ANKS1B: variants seen among roughly 807,000 people sequenced by gnomAD.
ANKS1B encodes ankyrin repeat and sterile alpha motif domain-containing protein 1B.
ANKS1B carries 36 observed loss-of-function variants against 148.3 expected under a neutral mutation model. The ratio of observed to expected loss-of-function variants is 0.24; its 90% CI spans 0.19 to 0.32. The LOEUF is 0.32. Ranked by LOEUF, ANKS1B falls within the 10% of genes least tolerant of loss-of-function variation. The pLI is 1.00. For synonymous variants in ANKS1B, 542 were observed against 560.8 expected, an observed-to-expected ratio of 0.97 and a Z score of 0.47; for missense variants, 1,157 against 1,542.6, an observed-to-expected ratio of 0.75 and a Z score of 4.19.
At chr12:99,506,919 CAACAGGTTACTATA>C (rs2096717536) in intron 9 of ANKS1B, among the ~76,000 whole-genome samples, 1 of 151,798 alleles carries the variant, frequency 6.6e-6, no homozygotes, top group African/African-American at 2.4e-5. Context: ...ACAATGAGTC[CAACAGGTTACTATA>C]AGCTCCATGA....
chr12:99,074,766 C>T (rs1227317748), intron 16 of ANKS1B, among the ~76,000 whole-genome samples: 3 of 152,162 alleles, frequency 2.0e-5, no homozygotes, highest in Admixed American at 6.5e-5. Context: ...TTTGAGCATC[C>T]TAACCTGACC....
chr12:99,779,401 ACAAAT>A (rs1234628321), intron 6 of ANKS1B, among the ~76,000 whole-genome samples: 1 of 152,226 alleles, frequency 6.6e-6, no homozygotes, highest in Non-Finnish European at 1.5e-5. Context: ...ATGAATTTGA[ACAAAT>A]CAAATCTCTC....
chr12:98,981,532 C>T (rs2099910708), intron 17 of ANKS1B, among the ~76,000 whole-genome samples: 1 of 152,092 alleles, frequency 6.6e-6, no homozygotes, highest in Admixed American at 6.5e-5. Flanking sequence ...GACGGGGTTT[C>T]ACCATGTTGG....
chr12:99,823,498 GT>G (rs940135264), intron 2 of ANKS1B, among the ~76,000 whole-genome samples: 1 of 151,992 alleles, frequency 6.6e-6, no homozygotes, highest in African/African-American at 2.4e-5. Context: ...TAGAGACAGG[GT>G]TTTGCCACAT....
chr12:98,811,556 A>C (rs1344776558), intron 19 of ANKS1B, among the ~76,000 whole-genome samples: 1 of 152,118 alleles, frequency 6.6e-6, no homozygotes, highest in African/African-American at 2.4e-5. Context: ...CCAGATGTAC[A>C]TTCCTCCTGG....
intron 4 of ANKS1B, among the ~76,000 whole-genome samples, chr12:99,801,663 CAAGA>C (rs1174400830): frequency 6.6e-6 from 1 of 152,010 alleles, no homozygotes; most frequent in Non-Finnish European, 1.5e-5. Context: ...AATGTGAGAT[CAAGA>C]GAGTTTTTAA....
At chr12:99,238,090 G>A (rs377174696) in intron 14 of ANKS1B, among the ~76,000 whole-genome samples, 29 of 152,348 alleles carry the variant, frequency 1.9e-4, no homozygotes, top group African/African-American at 4.1e-4. Context: ...GAAGCAGGGC[G>A]GGGTGTTGCC....
In ANKS1B at chr12:99,417,705, AT is replaced by A. The variant is rs561500218; in HGVS notation, c.1576-17895del. Among the ~76,000 whole-genome samples, 415 of 151,914 alleles carry A rather than the reference AT, an allele frequency of 2.7e-3. 4 individuals are homozygous for A. The highest frequency in any genetic ancestry group is 8.4e-3 in the African/African-American group (348 of 41,460). On this transcript the variant is annotated intron_variant, in intron 11 of 26. Transcript: ENST00000683438. ...GGTATGTCTTTCCACTTCTTTGAAC[AT>A]TTTTTTTCATCAGTGTTTTGTAGTT... is the stretch of plus-strand genomic sequence containing the variant.
chr12:99,622,077 A>C (rs1052599893), intron 9 of ANKS1B, among the ~76,000 whole-genome samples: 3 of 152,126 alleles, frequency 2.0e-5, no homozygotes, highest in African/African-American at 7.2e-5. Context: ...GTGGAACAAA[A>C]ATAAAAATTA....
intron 9 of ANKS1B, among the ~76,000 whole-genome samples, chr12:99,558,866 C>T (rs1181853377): frequency 2.0e-5 from 3 of 152,168 alleles, no homozygotes; most frequent in Admixed American, 2.0e-4. Flanking sequence ...TCAGCCATTC[C>T]CATGCCAAAC....
At chr12:99,712,205 T>C (rs540886503) in intron 8 of ANKS1B, among the ~76,000 whole-genome samples, 5 of 152,314 alleles carry the variant, frequency 3.3e-5, no homozygotes, top group Admixed American at 1.3e-4. Context: ...TTGAAAAGTA[T>C]GTCTTGATTT....
intron 10 of ANKS1B, among the ~76,000 whole-genome samples, chr12:99,476,619 T>C (rs1166456462): frequency 6.6e-6 from 1 of 152,182 alleles, no homozygotes; most frequent in Non-Finnish European, 1.5e-5. Flanking sequence ...GAACTAATAG[T>C]AGCTGAGGAA....
intron 12 of ANKS1B, among the ~76,000 whole-genome samples, chr12:99,306,464 A>G (rs964505457): frequency 2.0e-5 from 3 of 152,000 alleles, no homozygotes; most frequent in Non-Finnish European, 4.4e-5. Context: ...TTCACCACTG[A>G]ATCCTTTACT....
At chr12:99,957,160 A>C (rs1272235302) in intron 1 of ANKS1B, among the ~76,000 whole-genome samples, 2 of 152,230 alleles carry the variant, frequency 1.3e-5, no homozygotes, top group African/African-American at 4.8e-5. Flanking sequence ...GAGACGATAT[A>C]TCTATACAGA....
chr12:99,749,960 T>C lies in ANKS1B; in HGVS notation c.1128+22962A>G, dbSNP rs549143147. 2.6e-5 allele frequency among the ~76,000 whole-genome samples: 4 copies of C among 152,212 alleles called. No homozygotes were observed. The East Asian group carries it at 7.7e-4, about 29-fold the overall frequency. On this transcript the variant is annotated intron_variant, in intron 8 of 26. Coordinates refer to ENST00000683438, the MANE Select transcript of ANKS1B (RefSeq NM_001352186.2). Reference sequence around the variant, plus strand: ...AAAAACGAAAAATAGTACAACCAGATATATAGTTGTATAATCCAAGTTTTA... The same window carrying C: ...AAAAACGAAAAATAGTACAACCAGACATATAGTTGTATAATCCAAGTTTTA...
At chr12:99,864,998 C>T (rs1470137167) in intron 1 of ANKS1B, among the ~76,000 whole-genome samples, 1 of 152,196 alleles carries the variant, frequency 6.6e-6, no homozygotes, top group East Asian at 1.9e-4. Flanking sequence ...GCCTAGTGAT[C>T]TTTTCCATTC....
intron 17 of ANKS1B, among the ~76,000 whole-genome samples, chr12:98,898,516 A>G (rs1270329798): frequency 1.3e-5 from 2 of 152,154 alleles, no homozygotes; most frequent in Admixed American, 6.5e-5. Context: ...ATAGCTACCT[A>G]TAGAGGTTAA....
intron 8 of ANKS1B, among the ~76,000 whole-genome samples, chr12:99,686,100 A>C (rs1333448640): frequency 6.6e-6 from 1 of 152,116 alleles, no homozygotes; most frequent in East Asian, 1.9e-4. Context: ...GTAAGCAAAC[A>C]CCTATTTCCC....
intron 8 of ANKS1B, among the ~76,000 whole-genome samples, chr12:99,768,809 G>A (rs2062906618): frequency 7.8e-6 from 1 of 127,656 alleles, no homozygotes; most frequent in African/African-American, 2.9e-5. Context: ...CTGCGACAGA[G>A]CACGACTCCG....
Sources: gnomAD v4.1 joint callset for allele counts (sites outside exome capture counted in the v4.1 genomes callset) on GRCh38, gnomAD v4.1.1 for gene constraint, MANE v1.5 for transcripts, NCBI Gene and HGNC (gene_info 2026-07-23, HGNC 2026-07-21) for gene names.